The following PALM2AKAP2 variants were observed in gnomAD, a reference collection of about 807,000 sequenced individuals.
PALM2AKAP2 encodes PALM2 and AKAP2 fusion.
In PALM2AKAP2, 37 loss-of-function variants were observed where a neutral mutation model predicts 71.5. That is an observed-to-expected ratio of 0.52 (90% CI 0.40 to 0.68). The LOEUF is 0.68. Among genes scored for constraint, PALM2AKAP2 ranks in the 30% least tolerant of loss-of-function variants. The pLI is 0.00. For missense variants in PALM2AKAP2, 1,224 were observed against 1,191.8 expected (o/e 1.03, Z -0.40); for synonymous variants, 468 against 478.8 (o/e 0.98, Z 0.29).
intron 1 of PALM2AKAP2, among the ~76,000 whole-genome samples, chr9:109,853,474 A>G (rs2131634176): frequency 6.6e-6 from 1 of 152,340 alleles, no homozygotes; most frequent in East Asian, 1.9e-4. Context: ...ATTTCATGTA[A>G]TCTACAGCTT....
intron 1 of PALM2AKAP2, among the ~76,000 whole-genome samples, chr9:109,744,511 G>C (rs1030359195): frequency 4.6e-5 from 7 of 152,116 alleles, no homozygotes; most frequent in Admixed American, 2.6e-4. Flanking sequence ...AGTTTCCAGA[G>C]AGTCACTAGA....
At chr9:109,719,261 A>T (rs1271444536) in intron 1 of PALM2AKAP2, among the ~76,000 whole-genome samples, 1 of 152,214 alleles carries the variant, frequency 6.6e-6, no homozygotes, top group South Asian at 2.1e-4. Flanking sequence ...ATAAGAGATC[A>T]GTTGTGAAAG....
chr9:109,755,163 T>G (rs897888350), intron 1 of PALM2AKAP2, among the ~76,000 whole-genome samples: 7 of 152,044 alleles, frequency 4.6e-5, no homozygotes, highest in Non-Finnish European at 7.4e-5. Flanking sequence ...CCCACATACG[T>G]AGCAGCCACA....
At chr9:109,775,853 G>T (rs1269017229), upstream of PALM2AKAP2, among the ~76,000 whole-genome samples, 1 of 152,186 alleles carries the variant, frequency 6.6e-6, no homozygotes, top group Non-Finnish European at 1.5e-5. Context: ...TTCTAAAATA[G>T]ATTCTGAAAT....
At chr9:109,659,103 T>G (rs977335763) in intron 1 of PALM2AKAP2, among the ~76,000 whole-genome samples, 1 of 152,074 alleles carries the variant, frequency 6.6e-6, no homozygotes, top group African/African-American at 2.4e-5. Context: ...CAAATACATA[T>G]TTCATATCCT....
At chr9:110,014,803 AATGTATATATATAT>A (rs1238465486) in intron 6 of PALM2AKAP2, among the ~76,000 whole-genome samples, 2,110 of 16,002 alleles carry the variant, frequency 0.13, 243 homozygotes, top group Non-Finnish European at 0.16. Flanking sequence ...AAAAAAAAAA[AATGTATATATATAT>A]ATATATATAT....
intron 3 of PALM2AKAP2, among the ~76,000 whole-genome samples, chr9:109,919,765 G>GTGTATA (rs1554726537): frequency 4.0e-5 from 6 of 150,716 alleles, no homozygotes; most frequent in South Asian, 2.1e-4. Context: ...GTGTGTGTGT[G>GTGTATA]TATATATGTA....
intron 2 of PALM2AKAP2, among the ~76,000 whole-genome samples, chr9:110,147,170 G>A (rs1189183239): frequency 1.3e-5 from 2 of 150,528 alleles, no homozygotes; most frequent in African/African-American, 2.5e-5. Flanking sequence ...AGAATCGCCT[G>A]AACCTGGGAG....
intron 1 of PALM2AKAP2, among the ~76,000 whole-genome samples, chr9:109,816,958 C>G (rs1403199027): frequency 6.6e-6 from 1 of 152,164 alleles, no homozygotes; most frequent in African/African-American, 2.4e-5. Context: ...GGTACAAATA[C>G]TCTTCTAATA....
At chr9:110,065,064 T>C (rs1171961011) in intron 1 of PALM2AKAP2, among the ~76,000 whole-genome samples, 3 of 152,192 alleles carry the variant, frequency 2.0e-5, no homozygotes, top group Non-Finnish European at 4.4e-5. Flanking sequence ...CAGTAAGCTT[T>C]GGTGTCACAC....
upstream of PALM2AKAP2, among the ~76,000 whole-genome samples, chr9:109,776,832 C>A (rs1264088406): frequency 2.0e-5 from 3 of 152,234 alleles, no homozygotes; most frequent in Non-Finnish European, 2.9e-5. Flanking sequence ...CTTTGATAAT[C>A]CGCAACACTG....
chr9:110,150,292 T>A (rs1306815020), intron 2 of PALM2AKAP2, among the ~76,000 whole-genome samples: 1 of 152,228 alleles, frequency 6.6e-6, no homozygotes, highest in Admixed American at 6.5e-5. Flanking sequence ...ATCCAGTCTA[T>A]GGTATTTTAT....
chr9:109,671,659 CAT>C (rs1196048391), intron 1 of PALM2AKAP2, among the ~76,000 whole-genome samples: 3 of 152,110 alleles, frequency 2.0e-5, no homozygotes, highest in Non-Finnish European at 2.9e-5. Flanking sequence ...ATAGGAATAA[CAT>C]TGAATCGGTA....
intron 3 of PALM2AKAP2, among the ~76,000 whole-genome samples, chr9:109,921,000 A>G (rs1830816856): frequency 6.6e-6 from 1 of 152,064 alleles, no homozygotes; most frequent in African/African-American, 2.4e-5. Context: ...ATTTACACAG[A>G]TGTGTGTAGA....
At chr9:109,945,123 TG>T (rs1273194808) in intron 6 of PALM2AKAP2, 1 of 152,178 alleles carries the variant, frequency 6.6e-6, no homozygotes, top group Non-Finnish European at 1.5e-5. Context: ...TTTAATCTCC[TG>T]GCTTGAAATT....
intron 6 of PALM2AKAP2, among the ~76,000 whole-genome samples, chr9:110,005,729 G>T (rs1028817486): frequency 6.6e-6 from 1 of 152,186 alleles, no homozygotes; most frequent in Non-Finnish European, 1.5e-5. Context: ...GCAATGGCAG[G>T]CACCCCTCCC....
chr9:110,039,576 A>G (rs1481406921), intron 7 of PALM2AKAP2, among the ~76,000 whole-genome samples: 1 of 152,214 alleles, frequency 6.6e-6, no homozygotes, highest in African/African-American at 2.4e-5. Context: ...CCGTAAAATG[A>G]GAAAAATGGC....
rs1835912554 is a variant in PALM2AKAP2 at position 110,137,464 on chromosome 9, A to G, written c.1494A>G (p.Thr498=). 4 of 1,614,080 alleles carry G rather than the reference A, an allele frequency of 2.5e-6. No individual in the cohort carries two copies. In the South Asian group the frequency reaches 4.4e-5, roughly 18 times the overall value. ...CGGCAGCAGGAAGCCAGGGCAACAC[A>G]GCCTCTCAGGGGAAGGAAGGGCCCT... The change falls in exon 2 of 4, where the codon ACA becomes ACG. Residue 498 remains threonine (T), a synonymous_variant. Coordinates refer to ENST00000374525, the Ensembl canonical transcript of PALM2AKAP2.
At chr9:109,912,686 G>A (rs1311593595) in intron 3 of PALM2AKAP2, among the ~76,000 whole-genome samples, 1 of 152,018 alleles carries the variant, frequency 6.6e-6, no homozygotes, top group Non-Finnish European at 1.5e-5. Flanking sequence ...AGGACAGATA[G>A]ATTGCTAGAG....
Sources: gnomAD v4.1 joint callset for allele counts (sites outside exome capture counted in the v4.1 genomes callset) on GRCh38, gnomAD v4.1.1 for gene constraint, MANE v1.5 for transcripts, NCBI Gene and HGNC (gene_info 2026-07-23, HGNC 2026-07-21) for gene names.